Variants in SEPTIN8 observed in about 807,000 individuals in gnomAD.
The protein encoded by SEPTIN8 is septin 8, also known as septin-8.
Under a neutral mutation model 53.1 loss-of-function variants are expected in SEPTIN8, and 22 were observed. That is an observed-to-expected ratio of 0.41 (90% CI 0.30 to 0.59). SEPTIN8 has a LOEUF of 0.59. Among genes scored for constraint, SEPTIN8 ranks in the 20% least tolerant of loss-of-function variants. SEPTIN8 has a pLI of 0.24. For synonymous variants in SEPTIN8, 228 were observed against 248.4 expected, an observed-to-expected ratio of 0.92 and a Z score of 0.77; for missense variants, 536 against 638.7, an observed-to-expected ratio of 0.84 and a Z score of 1.73.
chr5:132,768,767 A>G (rs979757428), intron 1 of SEPTIN8, among the ~76,000 whole-genome samples: 2 of 152,318 alleles, frequency 1.3e-5, no homozygotes, highest in Middle Eastern at 6.8e-3. Context: ...CCATTAGGGG[A>G]GCTAGCCTAA....
upstream of SEPTIN8, chr5:132,778,218 G>T: frequency 2.0e-6 from 1 of 503,056 alleles, no homozygotes; most frequent in Non-Finnish European, 2.6e-6. Flanking sequence ...TGGGAATGTG[G>T]CAAGGTTTGC....
rs1433900516 is a variant in SEPTIN8 at position 132,773,347 on chromosome 5, G to A, written c.30+3761C>T. 6.6e-6 allele frequency among the ~76,000 whole-genome samples: 1 copy of A among 152,244 alleles called. No homozygotes were observed. The highest frequency in any genetic ancestry group is 1.5e-5 in the Non-Finnish European group (1 of 68,042). ...CTGGGGAGGCTGCAAGGGACACACA[G>A]AGGCCAGCTGGCCCTCAGGCCCTTT... On this transcript the variant is annotated intron_variant, in intron 1 of 9. Coordinates refer to ENST00000378719, the MANE Select transcript of SEPTIN8 (RefSeq NM_001098811.2). This position sits in a 1 kb window ranked among gnomAD's most constrained non-coding sequence, Gnocchi z 4.2.
chr5:132,756,882 G>A (rs532027272), intron 9 of SEPTIN8: 3 of 985,294 alleles, frequency 3.0e-6, no homozygotes, highest in South Asian at 4.7e-5. Flanking sequence ...CATTTCTTAT[G>A]TATCCAATGA....
chr5:132,758,419 A>T, intron 9 of SEPTIN8: 2 of 1,560,778 alleles, frequency 1.3e-6, no homozygotes, highest in African/African-American at 2.7e-5. Flanking sequence ...ACGCAGCTGC[A>T]CCTAGGGCAC....
intron 9 of SEPTIN8, chr5:132,752,770 T>C: frequency 9.6e-7 from 1 of 1,043,778 alleles, no homozygotes. Flanking sequence ...TGGACCTTCC[T>C]GAACTTGCTT....
At position 132,764,363 on chromosome 5, in the gene SEPTIN8, C is replaced by G; in HGVS notation, c.208G>C (p.Glu70Gln). The change falls in exon 3 of 10, where the codon GAG (glutamate) becomes CAG (glutamine). Residue 70 changes from glutamate (E) to glutamine (Q), a missense_variant. Glu to Gln is a conservative substitution (Grantham distance 29, BLOSUM62 2). Transcript: ENST00000378719. ...TCATGGTGACTGGCTTCCTCAGTCT[C>G]GAAGGTCGTGTTGAAGAGTGTGTTC... ...LMNTLFNTTF[E>Q]TEEASHHEAC... 6.2e-7 allele frequency: 1 copy of G among 1,614,152 alleles called. No individual in the cohort carries two copies.
At chr5:132,777,308 C>T (rs1581210127), upstream of SEPTIN8, 3 of 1,084,880 alleles carry the variant, frequency 2.8e-6, no homozygotes, top group Non-Finnish European at 3.4e-6. This position sits in a 1 kb window ranked among gnomAD's most constrained non-coding sequence, Gnocchi z 4.1. Flanking sequence ...CGGAGCCGCC[C>T]CTGCCCCCGC....
rs749307408 is a variant in SEPTIN8, at chr5:132,751,955, A to G, written c.*61T>C. On this transcript the variant is annotated 3_prime_UTR_variant, in exon 10 of 10. Coordinates refer to ENST00000378719, the MANE Select transcript of SEPTIN8 (RefSeq NM_001098811.2). ...GTTTTCTGTTCTAACATTAAAAACCATGGTCTCCAGTTCCATGCCCTGGTG... is the reference window on the plus strand; with the variant it reads ...GTTTTCTGTTCTAACATTAAAAACCGTGGTCTCCAGTTCCATGCCCTGGTG... The G allele has an allele frequency of 6.9e-6, 11 of 1,601,468 alleles. No individual in the cohort carries two copies. In the African/African-American group the frequency reaches 1.1e-4, roughly 16 times the overall value.
chr5:132,773,624 C>T lies in SEPTIN8; in HGVS notation c.30+3484G>A, dbSNP rs567641348. Among the ~76,000 whole-genome samples the T allele has an allele frequency of 9.8e-5, 15 of 152,326 alleles. No individual in the cohort carries two copies. The highest frequency in any genetic ancestry group is 4.1e-4 in the South Asian group (2 of 4,826). On this transcript the variant is annotated intron_variant, in intron 1 of 9. Transcript: ENST00000378719. The surrounding 1 kb of genome is among the most constrained non-coding windows in gnomAD (Gnocchi z 4.2). ...GGCTGTTGGCATCAACAAGATAATG[C>T]GCTCAAAGCACCCACTGCCCTCCTT...
chr5:132,759,102 A>C (rs1581146119), intron 9 of SEPTIN8: 1 of 575,858 alleles, frequency 1.7e-6, no homozygotes, highest in East Asian at 3.8e-5. Flanking sequence ...CATGAAAAAC[A>C]CCCCTGCCCC....
chr5:132,764,248 C>T lies in SEPTIN8; in HGVS notation c.323G>A (p.Gly108Glu), dbSNP rs1201422350. The change falls in exon 3 of 10, where the codon GGG (glycine) becomes GAG (glutamate). Residue 108 changes from glycine (G) to glutamate (E), a missense_variant. Gly to Glu is a moderately conservative substitution (Grantham distance 98, BLOSUM62 -2). Coordinates refer to ENST00000378719, the MANE Select transcript of SEPTIN8 (RefSeq NM_001098811.2). ...CCTCTCATCCTTATTGATCTGATCC[C>T]CAAAGCCCACGGCATCCACAATGGT... is the stretch of plus-strand genomic sequence containing the variant. ...KLTIVDAVGF[G>E]DQINKDESYR... The T allele has an allele frequency of 6.2e-7, 1 of 1,613,570 alleles. No homozygotes were observed. The highest frequency in any genetic ancestry group is 8.5e-7 in the Non-Finnish European group (1 of 1,179,800).
chr5:132,777,661 G>A, upstream of SEPTIN8: 2 of 985,600 alleles, frequency 2.0e-6, no homozygotes, highest in Non-Finnish European at 2.4e-6. The surrounding 1 kb of genome is among the most constrained non-coding windows in gnomAD (Gnocchi z 4.1). Context: ...CTGCAAATGT[G>A]CTGGGACCAC....
chr5:132,761,695 C>A lies in SEPTIN8; in HGVS notation c.794-69G>T. On this transcript the variant is annotated intron_variant, in intron 6 of 9. Transcript: ENST00000378719. The surrounding 1 kb of genome is among the most constrained non-coding windows in gnomAD (Gnocchi z 5.8). The stretch of plus-strand genomic sequence containing the variant: ...GGGCACACTCCAGAGTCAGGGTAGG[C>A]ACGCAGGTGGGCATGAGGAGGAAAC... 1.3e-6 allele frequency: 2 copies of A among 1,594,868 alleles called. No homozygotes were observed. The highest frequency in any genetic ancestry group is 1.1e-5 in the South Asian group (1 of 87,510).
intron 1 of SEPTIN8, among the ~76,000 whole-genome samples, chr5:132,771,809 T>G (rs1342789211): frequency 7.1e-6 from 1 of 140,146 alleles, no homozygotes; most frequent in African/African-American, 2.7e-5. Flanking sequence ...TCGGCTCTGG[T>G]CCCAGGATTC....
chr5:132,752,600 A>T (rs1754945533), intron 9 of SEPTIN8, among the ~76,000 whole-genome samples: 1 of 152,160 alleles, frequency 6.6e-6, no homozygotes, highest in Non-Finnish European at 1.5e-5. Context: ...GGGTACCATG[A>T]GGCAAGCATT....
At chr5:132,763,440 T>C (rs1434481982) in intron 4 of SEPTIN8, among the ~76,000 whole-genome samples, 3 of 152,036 alleles carry the variant, frequency 2.0e-5, no homozygotes, top group East Asian at 3.9e-4. Flanking sequence ...CGGGAGGGGC[T>C]GACAATGAGA....
intron 9 of SEPTIN8, chr5:132,756,555 A>G (rs187607858): frequency 1.0e-6 from 1 of 985,478 alleles, no homozygotes; most frequent in East Asian, 1.1e-4. Context: ...CTAACTTACT[A>G]AACAGTGGCA....
rs527690347 is a variant in SEPTIN8 at position 132,777,186 on chromosome 5, G to T, written c.-49C>A. 6.1e-4 allele frequency: 706 copies of T among 1,164,506 alleles called. 17 individuals are homozygous for T. In the East Asian group the frequency reaches 0.023, roughly 38 times the overall value. The allele number at this position is 1,164,506 out of a possible 1,614,324, so 72.1% of individuals were successfully genotyped here. ...GGGCTGGGACGAGCGCAGGGGCAGC[G>T]ACAGGGACCAGCCGGCTGCGGGACG... On this transcript the variant is annotated 5_prime_UTR_variant, in exon 1 of 10. Transcript: ENST00000378719. The surrounding 1 kb of genome is among the most constrained non-coding windows in gnomAD (Gnocchi z 4.1).
At chr5:132,769,998 T>TATAC (rs1757029777) in intron 1 of SEPTIN8, among the ~76,000 whole-genome samples, 2 of 46,782 alleles carry the variant, frequency 4.3e-5, no homozygotes, top group African/African-American at 1.7e-4. Context: ...TATATATATA[T>TATAC]ATATATATAT....
Sources: gnomAD v4.1 joint callset for allele counts (sites outside exome capture counted in the v4.1 genomes callset) on GRCh38, gnomAD v4.1.1 for gene constraint, Gnocchi (gnomAD v3.1) non-coding constraint, MANE v1.5 for transcripts, NCBI Gene and HGNC (gene_info 2026-07-23, HGNC 2026-07-21) for gene names.